Variants in CLIP1 observed in about 807,000 individuals in gnomAD.
The protein encoded by CLIP1 is CAP-Gly domain-containing linker protein 1.
In CLIP1, 66 loss-of-function variants were observed where a neutral mutation model predicts 161.6. That is an observed-to-expected ratio of 0.41 (90% CI 0.33 to 0.50). CLIP1 has a LOEUF of 0.50. Ranked by LOEUF, CLIP1 falls within the 20% of genes least tolerant of loss-of-function variation. CLIP1 has a pLI of 0.27. For missense variants in CLIP1, 1,376 were observed against 1,702.0 expected (o/e 0.81, Z 3.37); for synonymous variants, 598 against 626.2 (o/e 0.96, Z 0.67).
At chr12:122,358,465 A>C (rs1953611370) in intron 5 of CLIP1, among the ~76,000 whole-genome samples, 1 of 151,352 alleles carries the variant, frequency 6.6e-6, no homozygotes, top group Non-Finnish European at 1.5e-5. Context: ...AAGAAAAAAA[A>C]AACCACTTGT....
At position 122,279,232 on chromosome 12, in the gene CLIP1, G is replaced by T; in HGVS notation, c.3648-87C>A. 6.3e-6 allele frequency: 5 copies of T among 792,496 alleles called. No homozygotes were observed. The highest frequency in any genetic ancestry group is 2.8e-5 in the Admixed American group (1 of 36,236). The allele number at this position is 792,496 out of a possible 1,614,324, so 49.1% of individuals were successfully genotyped here. On this transcript the variant is annotated intron_variant, in intron 21 of 25. Coordinates refer to ENST00000620786, the MANE Select transcript of CLIP1 (RefSeq NM_001247997.2). The surrounding 1 kb of genome is among the most constrained non-coding windows in gnomAD (Gnocchi z 4.5). ...GTTCTAGAACAAACACATAATTAAT[G>T]TTAGTTAATGTAAAAAAAAAAATAT... is the stretch of plus-strand genomic sequence containing the variant.
rs763121674 is a variant in CLIP1, at chr12:122,288,447, T to G, written c.3647+42A>C. ...ACCACACATATCATGTTCTGACATC[T>G]TATTAAACACACACACATACAACAA... On this transcript the variant is annotated intron_variant, in intron 21 of 25. Coordinates refer to ENST00000620786, the MANE Select transcript of CLIP1 (RefSeq NM_001247997.2). The G allele has an allele frequency of 3.3e-6, 5 of 1,533,368 alleles. No homozygotes were observed. In the Admixed American group the frequency reaches 5.4e-5, roughly 17 times the overall value. 95.0% of individuals were successfully genotyped at this position (1,533,368 alleles called of 1,614,324 possible).
rs1954803024 is a variant in CLIP1, at chr12:122,377,524, T to C, written c.522A>G (p.Pro174=). The C allele has an allele frequency of 6.2e-7, 1 of 1,613,940 alleles. No individual in the cohort carries two copies. The highest frequency in any genetic ancestry group is 1.3e-5 in the African/African-American group (1 of 74,878). ...GCGTAGCTGAAGGTTCCTTTGCTGC[T>C]GGCTGTGATGGTTTCTGAGGGATGT... The part of the protein sequence containing the change: ...PSNIPQKPSQ[P]AAKEPSATPP... The change falls in exon 3 of 26, where the codon CCA becomes CCG. Residue 174 remains proline, a synonymous_variant. Transcript: ENST00000620786.
chr12:122,298,133 C>T (rs919097474), intron 20 of CLIP1, among the ~76,000 whole-genome samples: 12 of 152,244 alleles, frequency 7.9e-5, no homozygotes, highest in Admixed American at 3.9e-4. Flanking sequence ...GGAGCTGCCC[C>T]GAGAGCATAC....
intron 1 of CLIP1, among the ~76,000 whole-genome samples, chr12:122,415,022 C>T (rs1257875600): frequency 6.6e-6 from 1 of 151,940 alleles, no homozygotes; most frequent in African/African-American, 2.4e-5. Flanking sequence ...TACACCAGTA[C>T]ACTCCAGCCT....
Position 122,340,960 on chromosome 12 carries a change from C to G in CLIP1, c.2244G>C (p.Leu748=), listed in dbSNP as rs758039370. 5.6e-5 allele frequency: 90 copies of G among 1,614,098 alleles called. No individual in the cohort carries two copies. The highest frequency in any genetic ancestry group is 6.9e-5 in the Non-Finnish European group (82 of 1,180,042). The change falls in exon 11 of 26, where the codon CTG becomes CTC. Residue 748 remains leucine, a synonymous_variant. Transcript: ENST00000620786. ...TGGTTTGTTCATTGCATTTGGCTTGCAGTACCTCTAGCTCCTTTACCTTTA... is the reference window on the plus strand; with the variant it reads ...TGGTTTGTTCATTGCATTTGGCTTGGAGTACCTCTAGCTCCTTTACCTTTA... The part of the protein sequence containing the change: ...AEIKVKELEV[L]QAKCNEQTKV...
intron 1 of CLIP1, among the ~76,000 whole-genome samples, chr12:122,410,507 G>T (rs942822945): frequency 9.0e-5 from 13 of 144,994 alleles, no homozygotes; most frequent in Non-Finnish European, 1.9e-4. Context: ...CACTCAGGCT[G>T]GAGTGCAGTG....
chr12:122,407,513 A>G (rs1024431957), intron 1 of CLIP1, among the ~76,000 whole-genome samples: 1 of 151,722 alleles, frequency 6.6e-6, no homozygotes, highest in Non-Finnish European at 1.5e-5. Flanking sequence ...GTTCAAAACC[A>G]GCCTGGGCAA....
intron 1 of CLIP1, among the ~76,000 whole-genome samples, chr12:122,404,068 G>A (rs545758402): frequency 1.2e-4 from 19 of 152,322 alleles, no homozygotes; most frequent in African/African-American, 4.1e-4. Flanking sequence ...AGCGGTCTAC[G>A]CGAGCTGAGG....
At chr12:122,345,839 G>A (rs1016016995) in intron 10 of CLIP1, among the ~76,000 whole-genome samples, 2 of 151,480 alleles carry the variant, frequency 1.3e-5, no homozygotes, top group African/African-American at 2.4e-5. Flanking sequence ...AGGCTGGAGT[G>A]CAATGGCGTG....
In CLIP1 at chr12:122,311,288, A is replaced by G. The variant is rs1951053324; in HGVS notation, c.3474-1406T>C. Reference sequence around the variant, plus strand: ...GTGTCTGCATGTGTGTGGCCTGTCAAAGTGCTACGCTTATACTCCTGTTCC... The same window carrying G: ...GTGTCTGCATGTGTGTGGCCTGTCAGAGTGCTACGCTTATACTCCTGTTCC... On this transcript the variant is annotated intron_variant, in intron 19 of 25. Coordinates refer to ENST00000620786, the MANE Select transcript of CLIP1 (RefSeq NM_001247997.2). The surrounding 1 kb of genome is among the most constrained non-coding windows in gnomAD (Gnocchi z 4.3). Among the ~76,000 whole-genome samples the G allele has an allele frequency of 6.6e-6, 1 of 152,092 alleles. No homozygotes were observed. The highest frequency in any genetic ancestry group is 1.5e-5 in the Non-Finnish European group (1 of 68,010).
At chr12:122,357,511 G>A (rs1158249676) in intron 5 of CLIP1, among the ~76,000 whole-genome samples, 1 of 151,452 alleles carries the variant, frequency 6.6e-6, no homozygotes, top group African/African-American at 2.4e-5. Flanking sequence ...GGAGGTGGGG[G>A]GGGTCAGCCC....
In CLIP1 at chr12:122,299,612, C is replaced by CAAAAAAAAAAAAAAAAAAAAAAAAAAA. The variant is rs71082962; in HGVS notation, c.3594+10149_3594+10150insTTTTTTTTTTTTTTTTTTTTTTTTTTT. Among the ~76,000 whole-genome samples, 14 of 62,516 alleles carry CAAAAAAAAAAAAAAAAAAAAAAAAAAA rather than the reference C, an allele frequency of 2.2e-4. 2 individuals are homozygous for CAAAAAAAAAAAAAAAAAAAAAAAAAAA. Among genetic ancestry groups the CAAAAAAAAAAAAAAAAAAAAAAAAAAA allele is most frequent in the East Asian group, 1.2e-3 (2 of 1,722 alleles). 41.0% of individuals were successfully genotyped at this position (62,516 alleles called of 152,430 possible). ...TTTTGTTTTTAAAGAATAAATTCAG[C>CAAAAAAAAAAAAAAAAAAAAAAAAAAA]AAAAAAAAAAAAAAAAAAAAGATGC... On this transcript the variant is annotated intron_variant, in intron 20 of 25. Transcript: ENST00000620786.
At chr12:122,403,233 C>T (rs536330717) in intron 1 of CLIP1, among the ~76,000 whole-genome samples, 3 of 152,210 alleles carry the variant, frequency 2.0e-5, no homozygotes, top group Admixed American at 2.0e-4. Flanking sequence ...ATAGCACTTA[C>T]AGTAAGAGGA....
chr12:122,293,581 C>T (rs555258909), intron 20 of CLIP1, among the ~76,000 whole-genome samples: 11 of 151,686 alleles, frequency 7.3e-5, no homozygotes, highest in African/African-American at 2.4e-4. Flanking sequence ...TGGGTTCAAG[C>T]GATTCTCCTG....
At chr12:122,314,282 C>A (rs1951177521) in intron 19 of CLIP1, among the ~76,000 whole-genome samples, 1 of 124,004 alleles carries the variant, frequency 8.1e-6, no homozygotes, top group Non-Finnish European at 1.6e-5. Flanking sequence ...AAGGGTGAGA[C>A]TCCATCTCAA....
Position 122,325,544 on chromosome 12 carries a change from C to T in CLIP1, c.3249+2403G>A, listed in dbSNP as rs527858533. ...TGGCCCAGGCTGGAGGGAAGTGGCG[C>T]GATCTCGGCTCACTGCAACCTCTGC... is the stretch of plus-strand genomic sequence containing the variant. On this transcript the variant is annotated intron_variant, in intron 17 of 25. Coordinates refer to ENST00000620786, the MANE Select transcript of CLIP1 (RefSeq NM_001247997.2). Among the ~76,000 whole-genome samples the T allele has an allele frequency of 6.8e-4, 103 of 152,226 alleles. 1 individual carries two copies. Among genetic ancestry groups the T allele is most frequent in the Middle Eastern group, 3.4e-3 (1 of 294 alleles).
chr12:122,284,490 C>T (rs1019575854), intron 21 of CLIP1, among the ~76,000 whole-genome samples: 1 of 151,990 alleles, frequency 6.6e-6, no homozygotes, highest in Non-Finnish European at 1.5e-5. Flanking sequence ...GTAGCTGGGA[C>T]TACAGATGCC....
At position 122,351,146 on chromosome 12, in the gene CLIP1, A is replaced by G; in HGVS notation, c.1369-3T>C. 1 of 1,487,090 alleles carries G rather than the reference A, an allele frequency of 6.7e-7. No individual in the cohort carries two copies. Among genetic ancestry groups the G allele is most frequent in the Admixed American group, 2.5e-5 (1 of 40,378 alleles). The allele number at this position is 1,487,090 out of a possible 1,614,324, so 92.1% of individuals were successfully genotyped here. A position where few individuals can be genotyped will look rare whatever the true frequency, so the allele number is the denominator to read the frequency against. On this transcript the variant is annotated splice_polypyrimidine_tract_variant and splice_region_variant and intron_variant, in intron 8 of 25. Transcript: ENST00000620786. ...TCTTCAGAAATCTGGCTCTTTTGCT[A>G]TCAGTAAAAAAATAAAAAAAATTAA...
Sources: gnomAD v4.1 joint callset for allele counts (sites outside exome capture counted in the v4.1 genomes callset) on GRCh38, gnomAD v4.1.1 for gene constraint, Gnocchi (gnomAD v3.1) non-coding constraint, MANE v1.5 for transcripts, NCBI Gene and HGNC (gene_info 2026-07-23, HGNC 2026-07-21) for gene names.